The following ACADSB variants were observed in gnomAD, a reference collection of about 807,000 sequenced individuals.
The protein encoded by ACADSB is short/branched chain specific acyl-CoA dehydrogenase, mitochondrial.
Under a neutral mutation model 54.1 loss-of-function variants are expected in ACADSB, and 40 were observed. The ratio of observed to expected loss-of-function variants is 0.74; its 90% confidence interval spans 0.57 to 0.96. The LOEUF is 0.96. Ranked by LOEUF, ACADSB falls within the 40% of genes least tolerant of loss-of-function variation. The pLI, the probability that ACADSB is intolerant of heterozygous loss-of-function variation, is 0.00. For synonymous variants in ACADSB, 182 were observed against 182.8 expected, an observed-to-expected ratio of 1.00 and a Z score of 0.03; for missense variants, 530 against 510.4, an observed-to-expected ratio of 1.04 and a Z score of -0.37.
rs1850454144 is a variant in ACADSB at position 123,040,376 on chromosome 10, G to T, written c.304-90G>T. 1.1e-5 allele frequency: 12 copies of T among 1,095,954 alleles called. No homozygotes were observed. The South Asian group carries it at 1.5e-4, about 14-fold the overall frequency. 67.9% of individuals were successfully genotyped at this position (1,095,954 alleles called of 1,614,324 possible). ...AAAAAAAATAATAATAATAAATATG[G>T]TTACAGTTTATTTTTTAACTTGTTC... On this transcript the variant is annotated intron_variant, in intron 3 of 10. Transcript: ENST00000358776.
At chr10:123,032,583 C>CTTTTTTTTTT (rs889911796) in intron 1 of ACADSB, among the ~76,000 whole-genome samples, 1 of 106,914 alleles carries the variant, frequency 9.4e-6, no homozygotes, top group Non-Finnish European at 1.9e-5. Flanking sequence ...AATTTCCATT[C>CTTTTTTTTTT]TTTTTTTTTT....
chr10:123,042,589 G>A (rs1245134418), intron 5 of ACADSB, among the ~76,000 whole-genome samples: 1 of 149,540 alleles, frequency 6.7e-6, no homozygotes, highest in Non-Finnish European at 1.5e-5. Context: ...GCCTCCTGAC[G>A]GGTGCCTGCC....
At chr10:123,040,043 A>T (rs1850449144) in intron 3 of ACADSB, among the ~76,000 whole-genome samples, 1 of 152,122 alleles carries the variant, frequency 6.6e-6, no homozygotes, top group African/African-American at 2.4e-5. Flanking sequence ...ACAAAATTTT[A>T]AAATTAAGAA....
intron 7 of ACADSB, among the ~76,000 whole-genome samples, chr10:123,045,324 G>A (rs112445159): frequency 0.11 from 13,856 of 127,682 alleles, 722 homozygotes; most frequent in Non-Finnish European, 0.12. Context: ...GACTACAGGC[G>A]CCCGCCACCA....
Position 123,009,063 on chromosome 10 carries a change from A to C in ACADSB, c.34A>C (p.Ser12Arg), listed in dbSNP as rs1849953861. The C allele has an allele frequency of 8.4e-6, 13 of 1,547,384 alleles. No individual in the cohort carries two copies. The highest frequency in any genetic ancestry group is 2.0e-5 in the Admixed American group (1 of 50,980). Reference protein sequence around the residue: ...EGLAVRLLRGSRLLRRNFLTC... With the variant: ...EGLAVRLLRGRRLLRRNFLTC... ...CCTGGCAGTGCGGTTGCTGCGCGGC[A>C]GCAGGCTGGTGAGTGCGTTCGAGGC... Residue 12 changes from serine (S) to arginine (R), a missense_variant, in exon 1 of 11, where the codon AGC (serine) becomes CGC (arginine). Coordinates refer to ENST00000358776, the MANE Select transcript of ACADSB (RefSeq NM_001609.4).
chr10:123,027,461 T>A, intron 1 of ACADSB: 1 of 445,702 alleles, frequency 2.2e-6, no homozygotes, highest in South Asian at 1.6e-5. Context: ...TGATAATGAA[T>A]AAGTCTCATG....
intron 3 of ACADSB, 84 bp from the exon 4 acceptor site, chr10:123,040,382 G>T: frequency 8.6e-7 from 1 of 1,163,660 alleles, no homozygotes; most frequent in Non-Finnish European, 1.3e-6. Flanking sequence ...TATGGTTACA[G>T]TTTATTTTTT....
intron 8 of ACADSB, among the ~76,000 whole-genome samples, chr10:123,050,261 C>G (rs577756192): frequency 3.3e-5 from 5 of 152,288 alleles, no homozygotes; most frequent in African/African-American, 1.2e-4. Flanking sequence ...ATTTAATTGT[C>G]TGTTCTTCCT....
At chr10:123,043,662 C>A (rs1490068194) in intron 6 of ACADSB, among the ~76,000 whole-genome samples, 1 of 152,134 alleles carries the variant, frequency 6.6e-6, no homozygotes, top group Non-Finnish European at 1.5e-5. Flanking sequence ...CACCACTCAT[C>A]ACAGAGCTTG....
intron 6 of ACADSB, 88 bp downstream of exon 6, chr10:123,043,259 T>C: frequency 6.5e-7 from 1 of 1,534,042 alleles, no homozygotes; most frequent in East Asian, 2.3e-5. Context: ...GGTGTCAAAA[T>C]ACTAAGTGGC....
intron 1 of ACADSB, among the ~76,000 whole-genome samples, chr10:123,025,432 C>T (rs778300909): frequency 3.3e-5 from 5 of 151,870 alleles, no homozygotes; most frequent in African/African-American, 1.2e-4. Flanking sequence ...TCACTGCACT[C>T]CAGCCTGGGT....
chr10:123,009,966 C>T (rs975945077), intron 1 of ACADSB, among the ~76,000 whole-genome samples: 1 of 152,258 alleles, frequency 6.6e-6, no homozygotes, highest in Non-Finnish European at 1.5e-5. Context: ...TTTCCAACTG[C>T]TGCTTCAGTC....
chr10:123,019,549 T>C (rs1850153217), intron 1 of ACADSB, among the ~76,000 whole-genome samples: 1 of 152,256 alleles, frequency 6.6e-6, no homozygotes, highest in African/African-American at 2.4e-5. Flanking sequence ...GTTTGCAGTC[T>C]TTGGTGATAG....
chr10:123,051,230 CTTT>C, intron 9 of ACADSB, 44 bp downstream of exon 9: 1 of 985,436 alleles, frequency 1.0e-6, no homozygotes, highest in Non-Finnish European at 1.3e-6. Context: ...GTAATTCAGC[CTTT>C]TTTTTTTCAG....
At chr10:123,009,472 A>AC in intron 1 of ACADSB, among the ~76,000 whole-genome samples, 1 of 151,858 alleles carries the variant, frequency 6.6e-6, no homozygotes, top group African/African-American at 2.4e-5. Flanking sequence ...TACATTTCAC[A>AC]CCCCCTCCCC....
Position 123,040,656 on chromosome 10 carries a change from A to G in ACADSB, c.494A>G (p.Gln165Arg). 6.2e-7 allele frequency: 1 copy of G among 1,613,076 alleles called. No individual in the cohort carries two copies. Among genetic ancestry groups the G allele is most frequent in the Non-Finnish European group, 8.5e-7 (1 of 1,179,058 alleles). Residue 165 changes from glutamine (Q) to arginine (R), a missense_variant, in exon 4 of 11, where the codon CAG becomes CGG. Coordinates refer to ENST00000358776, the MANE Select transcript of ACADSB (RefSeq NM_001609.4). ...GAACAAAAGGCCACCTATTTGCCTC[A>G]GCTCACTACAGAAAAAGTGAGTTGA... ...TEEQKATYLP[Q>R]LTTEKVGSFC...
intron 1 of ACADSB, among the ~76,000 whole-genome samples, chr10:123,026,058 G>C (rs1208007622): frequency 1.3e-5 from 2 of 152,088 alleles, no homozygotes; most frequent in African/African-American, 4.8e-5. Context: ...GACAGAGTGA[G>C]ACTCTGTCTC....
intron 8 of ACADSB, among the ~76,000 whole-genome samples, 153 bp from the exon 9 acceptor site, chr10:123,050,896 T>C (rs1850621623): frequency 6.6e-6 from 1 of 152,228 alleles, no homozygotes; most frequent in Non-Finnish European, 1.5e-5. Flanking sequence ...CATTTTAGAT[T>C]ACTCATTTTA....
chr10:123,048,520 G>C (rs1850589660), intron 8 of ACADSB, among the ~76,000 whole-genome samples: 1 of 152,078 alleles, frequency 6.6e-6, no homozygotes, highest in Non-Finnish European at 1.5e-5. Flanking sequence ...GAAAGAGACA[G>C]AATGTAAAGG....
Sources: gnomAD v4.1 joint callset for allele counts (sites outside exome capture counted in the v4.1 genomes callset) on GRCh38, gnomAD v4.1.1 for gene constraint, MANE v1.5 for transcripts, NCBI Gene and HGNC (gene_info 2026-07-23, HGNC 2026-07-21) for gene names.